Variants in QRSL1 observed in about 807,000 individuals in gnomAD.
QRSL1 encodes glutaminyl-tRNA amidotransferase subunit QRSL1.
A neutral mutation model predicts 61.6 loss-of-function variants in QRSL1; 54 were observed. The ratio of observed to expected loss-of-function variants is 0.88; its 90% CI spans 0.70 to 1.10. The LOEUF is 1.10. Ranked by LOEUF, QRSL1 falls within the 50% of genes least tolerant of loss-of-function variation. The pLI, the probability that QRSL1 is intolerant of heterozygous loss-of-function variation, is 0.00. For synonymous variants in QRSL1, 228 were observed against 225.7 expected (o/e 1.01, Z -0.09); for missense variants, 505 against 622.6 (o/e 0.81, Z 2.01).
At position 106,647,649 on chromosome 6, in the gene QRSL1, CTTTT is replaced by C. The variant is rs35122457; in HGVS notation, c.381-1360_381-1357del. ...GAAGGAGATAAAATGCCATAAAGTA[CTTTT>C]TTTTTTTTTTTTTTTGAGATGGAGT... On this transcript the variant is annotated intron_variant, in intron 4 of 10. Transcript: ENST00000369046. Among the ~76,000 whole-genome samples, 98 of 84,240 alleles carry C rather than the reference CTTTT, an allele frequency of 1.2e-3. 2 individuals carry two copies. The highest frequency in any genetic ancestry group is 4.3e-3 in the African/African-American group (87 of 20,222). The allele number at this position is 84,240 out of a possible 152,430, so 55.3% of individuals were successfully genotyped here.
intron 3 of QRSL1, among the ~76,000 whole-genome samples, chr6:106,641,677 C>T (rs780650620): frequency 2.0e-5 from 3 of 152,090 alleles, no homozygotes; most frequent in Admixed American, 6.5e-5. Context: ...TTGGAATATA[C>T]GCTAGAGCTT....
intron 1 of QRSL1, among the ~76,000 whole-genome samples, chr6:106,636,930 A>G (rs913110823): frequency 6.6e-6 from 1 of 150,886 alleles, no homozygotes; most frequent in Non-Finnish European, 1.5e-5. Flanking sequence ...AATTACTATA[A>G]ACTTTGTGGC....
At chr6:106,641,957 T>C (rs148372993) in intron 3 of QRSL1, among the ~76,000 whole-genome samples, 26 of 152,356 alleles carry the variant, frequency 1.7e-4, no homozygotes, top group African/African-American at 6.0e-4. Context: ...AAAAAATTAC[T>C]GGAAGGAAGT....
chr6:106,652,385 G>T lies in QRSL1; in HGVS notation c.733+1G>T. The T allele has an allele frequency of 6.2e-7, 1 of 1,613,980 alleles. No individual in the cohort carries two copies. The highest frequency in any genetic ancestry group is 1.3e-5 in the African/African-American group (1 of 75,016). ...GTGGATGATGCAGCAATTGTGTTGG[G>T]TATTTATATAATTCTATATCATTTG... On this transcript the variant is annotated splice_donor_variant, in intron 6 of 10. Transcript: ENST00000369046. LOFTEE classifies it high-confidence loss of function.
intron 4 of QRSL1, among the ~76,000 whole-genome samples, chr6:106,647,191 T>C (rs1056898322): frequency 1.3e-5 from 2 of 151,980 alleles, no homozygotes. Flanking sequence ...CCAAAATACA[T>C]AGAACATTTC....
At chr6:106,658,285 T>G (rs1029230508) in intron 9 of QRSL1, among the ~76,000 whole-genome samples, 2 of 152,168 alleles carry the variant, frequency 1.3e-5, no homozygotes, top group Admixed American at 1.3e-4. Flanking sequence ...TTGAAGAACT[T>G]TCTTTAATAT....
At chr6:106,639,463 T>C (rs1776983048) in intron 1 of QRSL1, among the ~76,000 whole-genome samples, 1 of 152,176 alleles carries the variant, frequency 6.6e-6, no homozygotes, top group Admixed American at 6.6e-5. Context: ...TAATAATGCA[T>C]GTAAAGCAAC....
intron 4 of QRSL1, among the ~76,000 whole-genome samples, chr6:106,644,725 G>C (rs1777081101): frequency 1.3e-5 from 2 of 151,630 alleles, no homozygotes; most frequent in African/African-American, 4.9e-5. Context: ...TCACCGCGTT[G>C]GCCAGGCTGG....
At chr6:106,640,235 AG>A (rs1262007868) in intron 1 of QRSL1, 113 bp from the exon 2 acceptor site, 15 of 902,858 alleles carry the variant, frequency 1.7e-5, no homozygotes, top group Non-Finnish European at 2.4e-5. Flanking sequence ...TTTGAACCCA[AG>A]CCTCACTTTA....
chr6:106,638,253 C>T (rs762798674), intron 1 of QRSL1, among the ~76,000 whole-genome samples: 1 of 152,138 alleles, frequency 6.6e-6, no homozygotes, highest in African/African-American at 2.4e-5. Context: ...TGTTAAAACG[C>T]ACTGCTCTCT....
At chr6:106,634,963 C>T (rs1166844270) in intron 1 of QRSL1, among the ~76,000 whole-genome samples, 2 of 151,570 alleles carry the variant, frequency 1.3e-5, no homozygotes, top group African/African-American at 2.4e-5. Context: ...GATGGGAAAA[C>T]CTTAAAGGGA....
chr6:106,655,463 C>T (rs1356080603), intron 8 of QRSL1, 152 bp from the exon 9 acceptor site: 6 of 533,536 alleles, frequency 1.1e-5, no homozygotes, highest in Admixed American at 6.3e-5. Flanking sequence ...TGCAGTGAGC[C>T]GAGATTACAC....
intron 1 of QRSL1, among the ~76,000 whole-genome samples, chr6:106,633,799 C>T (rs1245780711): frequency 6.6e-6 from 1 of 152,070 alleles, no homozygotes; most frequent in Non-Finnish European, 1.5e-5. Flanking sequence ...GAAATCGATT[C>T]TAAATTTTAA....
chr6:106,654,625 T>C (rs1777239278), intron 7 of QRSL1, 105 bp from the exon 8 acceptor site: 3 of 966,294 alleles, frequency 3.1e-6, no homozygotes, highest in African/African-American at 1.7e-5. Flanking sequence ...TTACCAAAGG[T>C]CCTGAAGTAC....
chr6:106,629,646 C>T lies in QRSL1; in HGVS notation c.-36C>T, dbSNP rs1420719125. The T allele has an allele frequency of 1.9e-6, 3 of 1,591,666 alleles. No homozygotes were observed. Among genetic ancestry groups the T allele is most frequent in the African/African-American group, 1.3e-5 (1 of 74,380 alleles). ...ACCGGTGACCTCTTTTTCCCCCTTG[C>T]CTGGCTCCTGTGGTGGCAGGCTGGG... On this transcript the variant is annotated 5_prime_UTR_variant, in exon 1 of 11. Coordinates refer to ENST00000369046, the MANE Select transcript of QRSL1 (RefSeq NM_018292.5).
intron 7 of QRSL1, among the ~76,000 whole-genome samples, chr6:106,654,306 C>T (rs376616993): frequency 5.9e-5 from 9 of 151,522 alleles, no homozygotes; most frequent in Middle Eastern, 3.2e-3. Flanking sequence ...GCTGAGATTG[C>T]GCCACTGCAC....
At chr6:106,649,821 C>T (rs913146069) in intron 5 of QRSL1, among the ~76,000 whole-genome samples, 4 of 152,080 alleles carry the variant, frequency 2.6e-5, no homozygotes, top group East Asian at 1.9e-4. Flanking sequence ...ATTTGTAAAG[C>T]ATTTCTTAAC....
At position 106,662,461 on chromosome 6, in the gene QRSL1, C is replaced by T. The variant is rs117362528; in HGVS notation, c.1161-519C>T. On this transcript the variant is annotated intron_variant, in intron 9 of 10. Transcript: ENST00000369046. ...TATGTTAAGAATCTTAATGGTGCCT[C>T]CTCATAAAAGCCAAGAATCCAGTGG... is the stretch of plus-strand genomic sequence containing the variant. 1.7e-4 allele frequency among the ~76,000 whole-genome samples: 26 copies of T among 150,634 alleles called. No individual in the cohort carries two copies. The East Asian group carries it at 2.1e-3, about 12-fold the overall frequency.
rs140698130 is a variant in QRSL1, at chr6:106,665,896, T to C, written c.1481T>C (p.Phe494Ser). The change falls in exon 11 of 11, where the codon TTT (phenylalanine) becomes TCT (serine). Residue 494 changes from phenylalanine (F) to serine (S), a missense_variant. Coordinates refer to ENST00000369046, the MANE Select transcript of QRSL1 (RefSeq NM_018292.5). ...CAGCTTCTTACAGTAGCCAAATGGT[T>C]TGAAAAACAAGTACAGTTTCCTGTT... Reference protein sequence around the residue: ...DQQLLTVAKWFEKQVQFPVIQ... With the variant: ...DQQLLTVAKWSEKQVQFPVIQ... 9.3e-6 allele frequency: 15 copies of C among 1,613,878 alleles called. No individual in the cohort carries two copies. In the African/African-American group the frequency reaches 1.7e-4, roughly 19 times the overall value.
Sources: gnomAD v4.1 joint callset for allele counts (sites outside exome capture counted in the v4.1 genomes callset) on GRCh38, gnomAD v4.1.1 for gene constraint, MANE v1.5 for transcripts, NCBI Gene and HGNC (gene_info 2026-07-23, HGNC 2026-07-21) for gene names.